ZFPM2: variants seen among roughly 807,000 people sequenced by gnomAD.
ZFPM2 encodes the protein zinc finger protein, FOG family member 2, also known as zinc finger protein ZFPM2.
In ZFPM2, 20 loss-of-function variants were observed where a neutral mutation model predicts 98.6. The ratio of observed to expected loss-of-function variants is 0.20; its 90% CI spans 0.14 to 0.29. The LOEUF (loss-of-function observed/expected upper bound fraction) is 0.29. ZFPM2 is among the 10% of genes least tolerant of loss of function. The pLI is 1.00. For synonymous variants in ZFPM2, 518 were observed against 502.7 expected (o/e 1.03, Z -0.41); for missense variants, 1,310 against 1,388.6 (o/e 0.94, Z 0.90).
At chr8:105,568,413 C>G (rs1048269729) in intron 4 of ZFPM2, among the ~76,000 whole-genome samples, 1 of 152,062 alleles carries the variant, frequency 6.6e-6, no homozygotes, top group Non-Finnish European at 1.5e-5. Context: ...TCTACCTCTC[C>G]TTCTCACATC....
At chr8:105,359,254 T>C (rs182161460) in intron 1 of ZFPM2, among the ~76,000 whole-genome samples, 21 of 152,294 alleles carry the variant, frequency 1.4e-4, no homozygotes, top group African/African-American at 5.1e-4. Context: ...CTGCAATGAT[T>C]GTAAGTTTCC....
At chr8:105,603,344 A>G (rs764524520) in intron 4 of ZFPM2, among the ~76,000 whole-genome samples, 32 of 152,120 alleles carry the variant, frequency 2.1e-4, no homozygotes, top group Non-Finnish European at 3.7e-4. Flanking sequence ...ATAATATACT[A>G]ATCTATTTAG....
intron 3 of ZFPM2, among the ~76,000 whole-genome samples, chr8:105,463,033 G>A (rs1812731933): frequency 6.6e-6 from 1 of 151,926 alleles, no homozygotes; most frequent in Non-Finnish European, 1.5e-5. Context: ...ATATAAAATG[G>A]TGGAATAAAT....
rs149386268 is a variant in ZFPM2, at chr8:105,669,672, C to T, written c.532+35315C>T. Among the ~76,000 whole-genome samples, 333 of 151,916 alleles carry T rather than the reference C, an allele frequency of 2.2e-3. 1 individual carries two copies. The highest frequency in any genetic ancestry group is 7.3e-3 in the African/African-American group (301 of 41,436). On this transcript the variant is annotated intron_variant, in intron 5 of 7. Transcript: ENST00000407775. The stretch of plus-strand genomic sequence containing the variant: ...TTGATAAATGTGACAGGGTCAGTAA[C>T]GATAATCCTCTTATGATCCTTCAGG...
At chr8:105,447,975 C>T (rs1252934250) in intron 3 of ZFPM2, among the ~76,000 whole-genome samples, 1 of 152,032 alleles carries the variant, frequency 6.6e-6, no homozygotes, top group Non-Finnish European at 1.5e-5. Flanking sequence ...GGAACCTAAA[C>T]AATCTTTAAG....
At chr8:105,568,786 T>A (rs1352823130) in intron 4 of ZFPM2, among the ~76,000 whole-genome samples, 1 of 152,058 alleles carries the variant, frequency 6.6e-6, no homozygotes, top group Non-Finnish European at 1.5e-5. Flanking sequence ...ACCCCAAGGT[T>A]TTGGTAAAGC....
At chr8:105,346,273 ACTGAGGAGG>A (rs1416509191) in intron 1 of ZFPM2, among the ~76,000 whole-genome samples, 1 of 151,966 alleles carries the variant, frequency 6.6e-6, no homozygotes, top group African/African-American at 2.4e-5. Flanking sequence ...AATCCCAGCT[ACTGAGGAGG>A]CTGAGGCAGG....
chr8:105,443,332 A>AAAAAC (rs1812303814), intron 2 of ZFPM2, among the ~76,000 whole-genome samples: 1 of 150,694 alleles, frequency 6.6e-6, no homozygotes, highest in South Asian at 2.1e-4. Context: ...AAAACAAAAA[A>AAAAAC]AAAAAAACTT....
intron 1 of ZFPM2, among the ~76,000 whole-genome samples, chr8:105,396,281 T>C (rs923926475): frequency 1.3e-5 from 2 of 152,196 alleles, no homozygotes; most frequent in Non-Finnish European, 2.9e-5. Context: ...ATAGGAGTGC[T>C]TCTCTGGTTG....
chr8:105,777,659 T>C (rs1455928113), intron 5 of ZFPM2, among the ~76,000 whole-genome samples: 2 of 152,230 alleles, frequency 1.3e-5, no homozygotes, highest in Admixed American at 1.3e-4. Flanking sequence ...TGCAAAATGC[T>C]TTGATTTATT....
chr8:105,587,633 C>T (rs1270643052), intron 4 of ZFPM2, among the ~76,000 whole-genome samples: 1 of 145,948 alleles, frequency 6.9e-6, no homozygotes, highest in Non-Finnish European at 1.5e-5. Flanking sequence ...CTGAAGAGCA[C>T]ATTTTTTTTG....
chr8:105,724,338 A>C (rs770363676), intron 5 of ZFPM2, among the ~76,000 whole-genome samples: 1 of 151,994 alleles, frequency 6.6e-6, no homozygotes, highest in South Asian at 2.1e-4. Flanking sequence ...GATCTATGAT[A>C]TATATCAAGC....
At chr8:105,695,227 A>G (rs1467995978) in intron 5 of ZFPM2, among the ~76,000 whole-genome samples, 2 of 152,178 alleles carry the variant, frequency 1.3e-5, no homozygotes, top group African/African-American at 4.8e-5. Context: ...GTAATATATT[A>G]GATCAAATTA....
intron 7 of ZFPM2, among the ~76,000 whole-genome samples, chr8:105,799,225 G>T (rs1813926668): frequency 6.6e-6 from 1 of 152,132 alleles, no homozygotes. Context: ...ATTTTAAAAA[G>T]AAAATCTCAA....
intron 5 of ZFPM2, among the ~76,000 whole-genome samples, chr8:105,698,036 A>G (rs1179164993): frequency 6.6e-6 from 1 of 152,182 alleles, no homozygotes; most frequent in Admixed American, 6.5e-5. Flanking sequence ...ATATGTTCCT[A>G]AAATATATGT....
At chr8:105,678,010 A>G (rs1182710752) in intron 5 of ZFPM2, among the ~76,000 whole-genome samples, 3 of 152,150 alleles carry the variant, frequency 2.0e-5, no homozygotes, top group Non-Finnish European at 4.4e-5. Flanking sequence ...TAAAGTATTT[A>G]CTGTGCAGTT....
intron 5 of ZFPM2, among the ~76,000 whole-genome samples, chr8:105,733,189 G>A (rs1811986761): frequency 6.6e-6 from 1 of 151,840 alleles, no homozygotes; most frequent in Non-Finnish European, 1.5e-5. Context: ...TATACACCCA[G>A]ATAGGCTGAT....
At chr8:105,749,923 G>C (rs1812437829) in intron 5 of ZFPM2, among the ~76,000 whole-genome samples, 1 of 151,992 alleles carries the variant, frequency 6.6e-6, no homozygotes, top group Non-Finnish European at 1.5e-5. Context: ...TGAGTATAAT[G>C]AATATTTTAG....
chr8:105,644,874 C>G (rs1817013630), intron 5 of ZFPM2, among the ~76,000 whole-genome samples: 1 of 152,150 alleles, frequency 6.6e-6, no homozygotes, highest in Non-Finnish European at 1.5e-5. Context: ...AATTGCCTCA[C>G]AAAAGCCTTA....
Sources: gnomAD v4.1 joint callset for allele counts (sites outside exome capture counted in the v4.1 genomes callset) on GRCh38, gnomAD v4.1.1 for gene constraint, MANE v1.5 for transcripts, NCBI Gene and HGNC (gene_info 2026-07-23, HGNC 2026-07-21) for gene names.